SLC35F1: variants seen among roughly 807,000 people sequenced by gnomAD.
SLC35F1 encodes the protein solute carrier family 35 member F1.
SLC35F1 carries 14 observed loss-of-function variants against 48.7 expected under a neutral mutation model. The ratio of observed to expected loss-of-function variants is 0.29; its 90% CI spans 0.19 to 0.45. SLC35F1 has a LOEUF of 0.45. SLC35F1 is among the 20% of genes least tolerant of loss of function. The probability of loss-of-function intolerance (pLI) is 1.00; values close to 1 mark genes in which losing one functional copy is unlikely to be tolerated. For synonymous variants in SLC35F1, 190 were observed against 202.2 expected (o/e 0.94, Z 0.51); for missense variants, 404 against 500.0 (o/e 0.81, Z 1.83).
intron 2 of SLC35F1, among the ~76,000 whole-genome samples, chr6:118,160,217 A>G (rs1218503406): frequency 6.6e-6 from 1 of 152,228 alleles, no homozygotes; most frequent in Non-Finnish European, 1.5e-5. Flanking sequence ...TGTTGCCATC[A>G]TTGAGTGTTA....
intron 1 of SLC35F1, among the ~76,000 whole-genome samples, chr6:117,990,837 T>C (rs941896399): frequency 2.0e-5 from 3 of 152,178 alleles, no homozygotes; most frequent in Non-Finnish European, 2.9e-5. Context: ...CTGGTTTCTC[T>C]GTATTAGCTG....
chr6:118,000,986 G>A (rs1300713551), intron 1 of SLC35F1, among the ~76,000 whole-genome samples: 5 of 151,928 alleles, frequency 3.3e-5, no homozygotes, highest in Admixed American at 6.6e-5. Flanking sequence ...CATGCTCATC[G>A]GTAGGAAGAA....
chr6:118,203,789 A>T (rs886538694), intron 2 of SLC35F1, among the ~76,000 whole-genome samples: 1 of 152,194 alleles, frequency 6.6e-6, no homozygotes, highest in Admixed American at 6.5e-5. Flanking sequence ...GTCCACTATG[A>T]CCCAGTTTCT....
intron 1 of SLC35F1, among the ~76,000 whole-genome samples, chr6:117,977,373 CCAATTTATACA>C (rs1292604452): frequency 2.0e-5 from 3 of 151,756 alleles, no homozygotes; most frequent in Non-Finnish European, 2.9e-5. Context: ...TTTTTTAAAA[CCAATTTATACA>C]CTAGGAAGGT....
chr6:118,165,654 G>A (rs1047445822), intron 2 of SLC35F1, among the ~76,000 whole-genome samples: 9 of 152,156 alleles, frequency 5.9e-5, no homozygotes, highest in African/African-American at 2.2e-4. Flanking sequence ...CAGCTCCAAA[G>A]CAGCTGGGAA....
intron 1 of SLC35F1, among the ~76,000 whole-genome samples, chr6:118,014,813 G>A (rs1777297186): frequency 6.6e-6 from 1 of 152,140 alleles, no homozygotes; most frequent in Non-Finnish European, 1.5e-5. Flanking sequence ...AGAACAAGCC[G>A]GAGGACATCC....
rs143358022 is a variant in SLC35F1, at chr6:118,099,440, CTCTT to C, written c.174-54997_174-54994del. 7.9e-3 allele frequency among the ~76,000 whole-genome samples: 1,195 copies of C among 152,086 alleles called. 8 individuals are homozygous for C. Among genetic ancestry groups the C allele is most frequent in the Non-Finnish European group, 0.014 (953 of 67,970 alleles). On this transcript the variant is annotated intron_variant, in intron 1 of 7. Transcript: ENST00000360388. Reference sequence around the variant, plus strand: ...ATGGTTTGCATTAAGTTCTCTTTCTCTCTTTCTTTCTCTCTCTCCCCACTCCTTC... The same window carrying C: ...ATGGTTTGCATTAAGTTCTCTTTCTCTCTTTCTCTCTCTCCCCACTCCTTC...
chr6:118,314,192 A>G lies in SLC35F1; in HGVS notation c.1167A>G (p.Ser389=), dbSNP rs758526261. 2 of 1,614,162 alleles carry G rather than the reference A, an allele frequency of 1.2e-6. No individual in the cohort carries two copies. Among genetic ancestry groups the G allele is most frequent in the Non-Finnish European group, 1.7e-6 (2 of 1,180,018 alleles). The change falls in exon 8 of 8, where the codon TCA becomes TCG. Residue 389 remains serine, a synonymous_variant. Transcript: ENST00000360388. ...DLPTTAQVEP[S]VTYTSLGQET... ...CGACCACAGCTCAGGTGGAACCCTC[A>G]GTCACCTACACCAGCCTGGGCCAGG...
Position 118,317,634 on chromosome 6 carries a change from T to C in SLC35F1, c.*3382T>C, listed in dbSNP as rs1181335067. The C allele has an allele frequency of 2.0e-5, 3 of 152,236 alleles. No homozygotes were observed. The East Asian group carries it at 5.8e-4, about 29-fold the overall frequency. 9.4% of individuals were successfully genotyped at this position (152,236 alleles called of 1,614,324 possible). ...TGGCTGTGGCAATGTAATGCCTGTA[T>C]AATGTTTTCAAATAAAAATAAATGC... On this transcript the variant is annotated 3_prime_UTR_variant, in exon 8 of 8. Transcript: ENST00000360388.
chr6:118,030,716 T>C (rs1225002793), intron 1 of SLC35F1, among the ~76,000 whole-genome samples: 1 of 152,182 alleles, frequency 6.6e-6, no homozygotes, highest in African/African-American at 2.4e-5. Context: ...TGGAGATCTT[T>C]CTGCTAGGGA....
chr6:117,911,032 G>A (rs1775754819), intron 1 of SLC35F1, among the ~76,000 whole-genome samples: 1 of 152,064 alleles, frequency 6.6e-6, no homozygotes, highest in Non-Finnish European at 1.5e-5. Context: ...ATACTCCATA[G>A]CCTCTCCCCT....
At chr6:117,909,564 G>T (rs780215867) in intron 1 of SLC35F1, among the ~76,000 whole-genome samples, 57 of 152,214 alleles carry the variant, frequency 3.7e-4, no homozygotes, top group Non-Finnish European at 5.4e-4. Context: ...CAAGTGGTTT[G>T]CAGCAGAGCC....
intron 1 of SLC35F1, among the ~76,000 whole-genome samples, chr6:117,936,761 T>G (rs570968924): frequency 3.3e-5 from 5 of 152,158 alleles, no homozygotes; most frequent in Non-Finnish European, 7.3e-5. Flanking sequence ...AAAAAAAAAC[T>G]TTGTATTTTA....
intron 2 of SLC35F1, among the ~76,000 whole-genome samples, chr6:118,192,633 A>T (rs1774747413): frequency 6.6e-6 from 1 of 152,188 alleles, no homozygotes; most frequent in Non-Finnish European, 1.5e-5. Context: ...CATAGTTATG[A>T]TTGATAGCAT....
At chr6:118,171,433 T>A (rs1774402382) in intron 2 of SLC35F1, among the ~76,000 whole-genome samples, 1 of 152,238 alleles carries the variant, frequency 6.6e-6, no homozygotes, top group Non-Finnish European at 1.5e-5. Flanking sequence ...CATCCATTTT[T>A]ATAGAAAACA....
intron 3 of SLC35F1, among the ~76,000 whole-genome samples, chr6:118,244,036 C>T (rs1327514007): frequency 1.3e-5 from 2 of 152,242 alleles, no homozygotes; most frequent in Admixed American, 6.5e-5. Context: ...ATTTGTAGCA[C>T]TTCAAATCTA....
chr6:117,926,035 G>A (rs1211673175), intron 1 of SLC35F1, among the ~76,000 whole-genome samples: 1 of 152,120 alleles, frequency 6.6e-6, no homozygotes, highest in Non-Finnish European at 1.5e-5. Flanking sequence ...AACCATGGGA[G>A]CACTCAATAA....
chr6:118,239,285 G>C (rs1376654710), intron 3 of SLC35F1, among the ~76,000 whole-genome samples: 1 of 150,120 alleles, frequency 6.7e-6, no homozygotes, highest in Non-Finnish European at 1.5e-5. Context: ...TGTATACATT[G>C]ATTTCCAGTA....
At chr6:117,972,301 A>G (rs1776652376) in intron 1 of SLC35F1, among the ~76,000 whole-genome samples, 1 of 152,204 alleles carries the variant, frequency 6.6e-6, no homozygotes. Context: ...GGTCAAAGCC[A>G]TTCAACAAGT....
Sources: gnomAD v4.1 joint callset for allele counts (sites outside exome capture counted in the v4.1 genomes callset) on GRCh38, gnomAD v4.1.1 for gene constraint, MANE v1.5 for transcripts, NCBI Gene and HGNC (gene_info 2026-07-23, HGNC 2026-07-21) for gene names.